Variants in ARHGAP17 observed in about 807,000 individuals in gnomAD.
ARHGAP17 encodes rho GTPase-activating protein 17.
Under a neutral mutation model 99.5 loss-of-function variants are expected in ARHGAP17, and 57 were observed. The ratio of observed to expected loss-of-function variants is 0.57; its 90% CI spans 0.46 to 0.71. The LOEUF (loss-of-function observed/expected upper bound fraction) is 0.71. ARHGAP17 is among the 30% of genes least tolerant of loss of function. ARHGAP17 has a pLI of 0.00. For missense variants in ARHGAP17, 1,000 were observed against 1,122.4 expected (o/e 0.89, Z 1.56); for synonymous variants, 417 against 429.6 (o/e 0.97, Z 0.36).
intron 1 of ARHGAP17, among the ~76,000 whole-genome samples, chr16:24,996,774 A>G (rs2053204313): frequency 6.6e-6 from 1 of 152,176 alleles, no homozygotes; most frequent in Admixed American, 6.5e-5. Context: ...TAATATAAGC[A>G]AAGTGCTGAT....
chr16:24,984,825 T>C (rs575074825), intron 1 of ARHGAP17, among the ~76,000 whole-genome samples: 1 of 152,122 alleles, frequency 6.6e-6, no homozygotes, highest in South Asian at 2.1e-4. Context: ...ATGACTAAAA[T>C]TGAAATGTGA....
chr16:24,984,416 C>T (rs540446478), intron 1 of ARHGAP17, among the ~76,000 whole-genome samples: 2 of 152,228 alleles, frequency 1.3e-5, no homozygotes, highest in South Asian at 2.1e-4. Flanking sequence ...CCTGTAATCC[C>T]AGCAGTTTGG....
At chr16:25,000,313 AT>A (rs2141476875) in intron 1 of ARHGAP17, among the ~76,000 whole-genome samples, 1 of 152,298 alleles carries the variant, frequency 6.6e-6, no homozygotes, top group South Asian at 2.1e-4. Context: ...TAGAAAAAGC[AT>A]GTATTTTGGA....
At chr16:24,983,268 G>A (rs778998492) in intron 1 of ARHGAP17, among the ~76,000 whole-genome samples, 15 of 151,332 alleles carry the variant, frequency 9.9e-5, no homozygotes, top group Non-Finnish European at 1.9e-4. Flanking sequence ...GTCTCCCAGA[G>A]TGCTGGGATT....
At position 24,935,628 on chromosome 16, in the gene ARHGAP17, G is replaced by C. The variant is rs755242883; in HGVS notation, c.1736C>G (p.Pro579Arg). The C allele has an allele frequency of 3.1e-6, 5 of 1,613,798 alleles. No individual in the cohort carries two copies. The Admixed American group carries it at 6.7e-5, about 22-fold the overall frequency. The change falls in exon 18 of 20, where the codon CCG becomes CGG. Residue 579 changes from proline to arginine, a missense_variant. By Grantham distance (103) the Pro-to-Arg change is moderately radical. Coordinates refer to ENST00000289968, the MANE Select transcript of ARHGAP17 (RefSeq NM_001006634.3). The stretch of plus-strand genomic sequence containing the variant: ...CACAGCTGCAGATACAGGGTCCTTC[G>C]GTTTGGGAGGACTAAGAGGAGTAAA... ...PSPGDGSPPK[P>R]KDPVSAAVPA... is the part of the protein sequence containing the mutation.
chr16:24,977,642 T>C (rs2052557779), intron 2 of ARHGAP17, among the ~76,000 whole-genome samples: 1 of 152,156 alleles, frequency 6.6e-6, no homozygotes. Flanking sequence ...AGCAGCAAAA[T>C]AAACGTTCCA....
chr16:24,938,263 CT>C (rs2051197438), intron 17 of ARHGAP17, among the ~76,000 whole-genome samples: 1 of 152,026 alleles, frequency 6.6e-6, no homozygotes, highest in South Asian at 2.1e-4. Flanking sequence ...ACTCCGGAGG[CT>C]GAGGCAAGAG....
chr16:25,011,983 T>C (rs1454471707), intron 1 of ARHGAP17, among the ~76,000 whole-genome samples: 1 of 152,172 alleles, frequency 6.6e-6, no homozygotes, highest in African/African-American at 2.4e-5. Context: ...GCCATCCCTC[T>C]TAAGCACTTA....
At chr16:24,989,795 G>C (rs1277434262) in intron 1 of ARHGAP17, among the ~76,000 whole-genome samples, 1 of 151,238 alleles carries the variant, frequency 6.6e-6, no homozygotes, top group East Asian at 1.9e-4. Flanking sequence ...ATTCATATGT[G>C]GGAGCCAAAA....
intron 3 of ARHGAP17, 71 bp downstream of exon 3, chr16:24,977,144 A>G: frequency 7.7e-7 from 1 of 1,298,930 alleles, no homozygotes; most frequent in African/African-American, 1.5e-5. Flanking sequence ...TAGGACAACC[A>G]ACCAATCCAG....
chr16:24,962,872 T>C (rs1398496788), intron 7 of ARHGAP17, among the ~76,000 whole-genome samples: 1 of 152,198 alleles, frequency 6.6e-6, no homozygotes, highest in Non-Finnish European at 1.5e-5. Flanking sequence ...AAACTCAGTG[T>C]TATTTGAGTA....
intron 2 of ARHGAP17, among the ~76,000 whole-genome samples, chr16:24,978,544 T>C (rs900173973): frequency 3.9e-5 from 6 of 152,226 alleles, no homozygotes; most frequent in Non-Finnish European, 8.8e-5. Flanking sequence ...TCTCTGTGGC[T>C]TGCAGTGGCA....
At chr16:24,920,944 TTGTC>T (rs949699299) in intron 19 of ARHGAP17, 22 of 152,380 alleles carry the variant, frequency 1.4e-4, no homozygotes, top group African/African-American at 5.3e-4. Context: ...TAACATCCCC[TTGTC>T]TGTCTAATAC....
At chr16:24,930,762 C>T (rs367768215) in intron 19 of ARHGAP17, 22 bp downstream of exon 19, 45 of 1,614,048 alleles carry the variant, frequency 2.8e-5, no homozygotes, top group Admixed American at 8.3e-5. Flanking sequence ...CGAGGAAATA[C>T]GGGCATTGAT....
At chr16:24,983,180 T>C (rs545545025) in intron 1 of ARHGAP17, among the ~76,000 whole-genome samples, 1 of 150,772 alleles carries the variant, frequency 6.6e-6, no homozygotes, top group South Asian at 2.1e-4. Flanking sequence ...AATTTTTCTA[T>C]TTTTAGTAGA....
intron 19 of ARHGAP17, chr16:24,927,622 G>T: frequency 2.2e-6 from 2 of 912,944 alleles, no homozygotes; most frequent in South Asian, 2.0e-5. Context: ...ACAGGCATGA[G>T]TGCACAAATA....
intron 15 of ARHGAP17, among the ~76,000 whole-genome samples, chr16:24,943,347 G>A (rs986564794): frequency 1.3e-5 from 2 of 152,076 alleles, no homozygotes; most frequent in African/African-American, 2.4e-5. Context: ...ATTCAACATC[G>A]CCTCTTCTAA....
chr16:24,947,614 G>T lies in ARHGAP17; in HGVS notation c.1128-19C>A, dbSNP rs1794409574. 1.3e-6 allele frequency: 2 copies of T among 1,592,148 alleles called. No individual in the cohort carries two copies. The highest frequency in any genetic ancestry group is 2.7e-5 in the African/African-American group (2 of 74,640). On this transcript the variant is annotated intron_variant, in intron 13 of 19. Coordinates refer to ENST00000289968, the MANE Select transcript of ARHGAP17 (RefSeq NM_001006634.3). Reference sequence around the variant, plus strand: ...CAAATATCTAGGGGTCAAAAGAGAAGGGGAGGGTTTCTCCTCTGAAATAGC... The same window carrying T: ...CAAATATCTAGGGGTCAAAAGAGAATGGGAGGGTTTCTCCTCTGAAATAGC...
chr16:24,976,243 G>A (rs1479490858), intron 3 of ARHGAP17, among the ~76,000 whole-genome samples: 1 of 152,200 alleles, frequency 6.6e-6, no homozygotes, highest in African/African-American at 2.4e-5. Flanking sequence ...AAAAACTACT[G>A]GGGCCAAGTA....
Sources: allele counts gnomAD v4.1 joint callset (sites outside exome capture counted in the v4.1 genomes callset), GRCh38; gene constraint gnomAD v4.1.1; transcripts MANE v1.5; gene names NCBI Gene and HGNC (gene_info 2026-07-23, HGNC 2026-07-21).